TMPRSS11E: variants seen among roughly 807,000 people sequenced by gnomAD.
TMPRSS11E encodes the protein transmembrane serine protease 11E, also known as transmembrane protease serine 11E.
TMPRSS11E carries 38 observed loss-of-function variants against 48.1 expected under a neutral mutation model. That is an observed-to-expected ratio of 0.79 (90% confidence interval 0.61 to 1.04). TMPRSS11E has a LOEUF of 1.04. TMPRSS11E is among the 50% of genes least tolerant of loss of function. The probability of loss-of-function intolerance (pLI) is 0.00; values close to 1 mark genes in which losing one functional copy is unlikely to be tolerated. For missense variants in TMPRSS11E, 530 were observed against 510.8 expected, an observed-to-expected ratio of 1.04 and a Z score of -0.36; for synonymous variants, 158 against 171.9, an observed-to-expected ratio of 0.92 and a Z score of 0.63.
At chr4:68,459,165 G>A (rs954698130) in intron 1 of TMPRSS11E, among the ~76,000 whole-genome samples, 2 of 151,912 alleles carry the variant, frequency 1.3e-5, no homozygotes, top group East Asian at 3.9e-4. Context: ...TATCCCTTTT[G>A]TCTACTTCTA....
At position 68,497,588 on chromosome 4, in the gene TMPRSS11E, A is replaced by AAAAT; in HGVS notation, c.*786_*789dup. On this transcript the variant is annotated 3_prime_UTR_variant, in exon 10 of 10. Coordinates refer to ENST00000305363, the MANE Select transcript of TMPRSS11E (RefSeq NM_014058.4). ...ACTGAGGATGTCAACATATAACAAT[A>AAAAT]AAATATAAATCACCCATTTGCTTGA... The AAAAT allele has an allele frequency of 6.6e-6, 1 of 152,166 alleles. No homozygotes were observed. The allele number at this position is 152,166 out of a possible 1,614,324, so 9.4% of individuals were successfully genotyped here.
At chr4:68,467,374 C>T (rs1352527876) in intron 3 of TMPRSS11E, among the ~76,000 whole-genome samples, 1 of 151,984 alleles carries the variant, frequency 6.6e-6, no homozygotes, top group East Asian at 1.9e-4. Flanking sequence ...CAGCATGGGC[C>T]AAAAGAACAA....
At chr4:68,468,783 T>G in intron 3 of TMPRSS11E, 96 bp from the exon 4 acceptor site, 1 of 935,902 alleles carries the variant, frequency 1.1e-6, no homozygotes, top group Non-Finnish European at 1.7e-6. Flanking sequence ...TTTTTTGCTC[T>G]GTTTTGTTTT....
chr4:68,474,637 TA>T (rs1431155818), intron 5 of TMPRSS11E, 85 bp from the exon 6 acceptor site: 2 of 1,240,098 alleles, frequency 1.6e-6, no homozygotes, highest in African/African-American at 3.0e-5. Context: ...ATAATAAAAT[TA>T]AGCAGCCTTT....
At chr4:68,482,862 A>C (rs988418388) in intron 9 of TMPRSS11E, among the ~76,000 whole-genome samples, 6 of 152,132 alleles carry the variant, frequency 3.9e-5, no homozygotes, top group African/African-American at 9.7e-5. Context: ...CTGTCGATGT[A>C]ACTATCAGCA....
At chr4:68,465,145 C>T (rs1318844100) in intron 2 of TMPRSS11E, among the ~76,000 whole-genome samples, 1 of 152,154 alleles carries the variant, frequency 6.6e-6, no homozygotes, top group Non-Finnish European at 1.5e-5. Flanking sequence ...TTTCATGTCA[C>T]CCTGGCCATT....
intron 9 of TMPRSS11E, among the ~76,000 whole-genome samples, chr4:68,485,918 T>A (rs1729539658): frequency 6.6e-6 from 1 of 152,142 alleles, no homozygotes; most frequent in Non-Finnish European, 1.5e-5. Flanking sequence ...TCCTTCTAGA[T>A]TTTCTAGTTT....
rs1728802307 is a variant in TMPRSS11E at position 68,461,941 on chromosome 4, A to C, written c.132A>C (p.Arg44Ser). Reference sequence around the variant, plus strand: ...TTGGACTCACTGTTCATTATGTGAGATATAGTAAGTATAAGCTGCCTTGGC... The same window carrying C: ...TTGGACTCACTGTTCATTATGTGAGCTATAGTAAGTATAAGCTGCCTTGGC... ...VCIGLTVHYVRYNQKKTYNYY... is the reference protein window; with the variant it reads ...VCIGLTVHYVSYNQKKTYNYY... The change falls in exon 2 of 10, where the codon AGA becomes AGC. Residue 44 changes from arginine (R) to serine (S), a missense_variant. Physicochemically the swap from Arg to Ser is moderately radical, Grantham distance 110. Coordinates refer to ENST00000305363, the MANE Select transcript of TMPRSS11E (RefSeq NM_014058.4). 6.2e-7 allele frequency: 1 copy of C among 1,614,008 alleles called. No individual in the cohort carries two copies.
intron 1 of TMPRSS11E, among the ~76,000 whole-genome samples, chr4:68,461,504 T>G (rs924130856): frequency 1.3e-5 from 2 of 152,242 alleles, no homozygotes; most frequent in African/African-American, 4.8e-5. Flanking sequence ...CTTTTCTACA[T>G]GTCAGGCATT....
intron 1 of TMPRSS11E, among the ~76,000 whole-genome samples, chr4:68,448,868 A>G (rs991206649): frequency 2.0e-5 from 3 of 151,870 alleles, no homozygotes; most frequent in African/African-American, 7.2e-5. Flanking sequence ...TGTTAAGAGC[A>G]TGTACTAGAG....
In TMPRSS11E at chr4:68,478,451, C is replaced by CTTTTTTTT. The variant is rs377068765; in HGVS notation, c.968-384_968-377dup. 3.1e-3 allele frequency among the ~76,000 whole-genome samples: 228 copies of CTTTTTTTT among 73,622 alleles called. 17 individuals are homozygous for CTTTTTTTT. The highest frequency in any genetic ancestry group is 0.029 in the East Asian group (47 of 1,602). The allele number at this position is 73,622 out of a possible 152,430, so 48.3% of individuals were successfully genotyped here. ...AAGCCACCGCACCCGGTATCCCCCG[C>CTTTTTTTT]TTTTTTTTTTTTTTTTTTTTTAAGA... On this transcript the variant is annotated intron_variant, in intron 8 of 9. Coordinates refer to ENST00000305363, the MANE Select transcript of TMPRSS11E (RefSeq NM_014058.4).
chr4:68,451,716 C>T (rs1054547535), intron 1 of TMPRSS11E, among the ~76,000 whole-genome samples: 3 of 151,900 alleles, frequency 2.0e-5, no homozygotes, highest in Admixed American at 2.0e-4. Flanking sequence ...TGTCTTAAAA[C>T]ATCATATGCA....
intron 5 of TMPRSS11E, among the ~76,000 whole-genome samples, chr4:68,473,789 T>C (rs1560553498): frequency 1.3e-5 from 2 of 152,082 alleles, no homozygotes; most frequent in Admixed American, 1.3e-4. Context: ...AACAGGTTAT[T>C]TGAAACAAAG....
chr4:68,466,652 A>G lies in TMPRSS11E; in HGVS notation c.158A>G (p.Tyr53Cys), dbSNP rs1440046236. Reference sequence around the variant, plus strand: ...GTAGATCAAAAGAAGACCTACAATTACTATAGCACATTGTCATTTACAACT... The same window carrying G: ...GTAGATCAAAAGAAGACCTACAATTGCTATAGCACATTGTCATTTACAACT... ...VRYNQKKTYN[Y>C]YSTLSFTTDK... Residue 53 changes from tyrosine (Y) to cysteine (C), a missense_variant, in exon 3 of 10, where the codon TAC (tyrosine) becomes TGC (cysteine). Coordinates refer to ENST00000305363, the MANE Select transcript of TMPRSS11E (RefSeq NM_014058.4). The G allele has an allele frequency of 6.2e-7, 1 of 1,612,814 alleles. No homozygotes were observed. Among genetic ancestry groups the G allele is most frequent in the Admixed American group, 1.7e-5 (1 of 59,704 alleles).
At chr4:68,473,724 C>T (rs1259706015) in intron 5 of TMPRSS11E, among the ~76,000 whole-genome samples, 1 of 152,076 alleles carries the variant, frequency 6.6e-6, no homozygotes, top group Non-Finnish European at 1.5e-5. Context: ...CCAGCCTTGT[C>T]AGTGCTATCA....
intron 7 of TMPRSS11E, among the ~76,000 whole-genome samples, chr4:68,476,820 A>G (rs1376847092): frequency 6.6e-6 from 1 of 152,162 alleles, no homozygotes; most frequent in Non-Finnish European, 1.5e-5. Context: ...ACATGGTAAG[A>G]AAAAGAATTA....
intron 6 of TMPRSS11E, among the ~76,000 whole-genome samples, chr4:68,475,904 A>G (rs1178871426): frequency 2.6e-5 from 4 of 152,242 alleles, no homozygotes; most frequent in Non-Finnish European, 5.9e-5. Flanking sequence ...GTATGTATAC[A>G]TACACATAAG....
Position 68,461,928 on chromosome 4 carries a change from T to C in TMPRSS11E, c.119T>C (p.Val40Ala), listed in dbSNP as rs1728801745. The C allele has an allele frequency of 6.2e-7, 1 of 1,614,188 alleles. No individual in the cohort carries two copies. The highest frequency in any genetic ancestry group is 8.5e-7 in the Non-Finnish European group (1 of 1,179,996). ...CTGGCAGTGTGCATTGGACTCACTG[T>C]TCATTATGTGAGATATAGTAAGTAT... Reference protein sequence around the residue: ...IVLAVCIGLTVHYVRYNQKKT... With the variant: ...IVLAVCIGLTAHYVRYNQKKT... Residue 40 changes from valine (V) to alanine (A), a missense_variant, in exon 2 of 10, where the codon GTT becomes GCT. By Grantham distance (64) the Val-to-Ala change is moderately conservative. Coordinates refer to ENST00000305363, the MANE Select transcript of TMPRSS11E (RefSeq NM_014058.4).
chr4:68,472,338 C>T (rs1427371392), intron 5 of TMPRSS11E, among the ~76,000 whole-genome samples: 1 of 151,932 alleles, frequency 6.6e-6, no homozygotes, highest in Non-Finnish European at 1.5e-5. Flanking sequence ...TAAAAATAAA[C>T]ATGTAAAATT....
Sources: gnomAD v4.1 joint callset for allele counts (sites outside exome capture counted in the v4.1 genomes callset) on GRCh38, gnomAD v4.1.1 for gene constraint, MANE v1.5 for transcripts, NCBI Gene and HGNC (gene_info 2026-07-23, HGNC 2026-07-21) for gene names.